Variants in CYFIP2 observed in about 807,000 individuals in gnomAD.
The protein encoded by CYFIP2 is cytoplasmic FMR1-interacting protein 2.
CYFIP2 carries 29 observed loss-of-function variants against 158.7 expected under a neutral mutation model. The observed-to-expected ratio is 0.18, with a 90% confidence interval of 0.14 to 0.25. The LOEUF (loss-of-function observed/expected upper bound fraction) is 0.25. Ranked by LOEUF, CYFIP2 falls within the 10% of genes least tolerant of loss-of-function variation. The probability of loss-of-function intolerance (pLI) is 1.00; values close to 1 mark genes in which losing one functional copy is unlikely to be tolerated. For missense variants in CYFIP2, 852 were observed against 1,639.5 expected, an observed-to-expected ratio of 0.52 and a Z score of 8.29; for synonymous variants, 585 against 617.6, an observed-to-expected ratio of 0.95 and a Z score of 0.78.
chr5:157,326,917 A>G (rs993802446), intron 18 of CYFIP2, among the ~76,000 whole-genome samples: 2 of 152,242 alleles, frequency 1.3e-5, no homozygotes, highest in Non-Finnish European at 2.9e-5. Flanking sequence ...AAGCTTTTTG[A>G]ATCATTAACC....
At chr5:157,279,452 A>G (rs986366547) in intron 1 of CYFIP2, among the ~76,000 whole-genome samples, 2 of 152,272 alleles carry the variant, frequency 1.3e-5, no homozygotes, top group African/African-American at 4.8e-5. Flanking sequence ...TGTAAATGTC[A>G]GAACCTGCAT....
rs1017232395 is a variant in CYFIP2 at position 157,393,537 on chromosome 5, G to A, written c.*537G>A. 6.8e-6 allele frequency: 1 copy of A among 147,114 alleles called. No individual in the cohort carries two copies. The highest frequency in any genetic ancestry group is 1.5e-5 in the Non-Finnish European group (1 of 68,442). 9.1% of individuals were successfully genotyped at this position (147,114 alleles called of 1,614,324 possible). A position where few individuals can be genotyped will look rare whatever the true frequency, so the allele number is the denominator to read the frequency against. ...ATCTTCTCCCACTCTGGGTACCAGGGATTCTACCACATAGGCTTCCCAAAG... is the reference window on the plus strand; with the variant it reads ...ATCTTCTCCCACTCTGGGTACCAGGAATTCTACCACATAGGCTTCCCAAAG... On this transcript the variant is annotated 3_prime_UTR_variant, in exon 31 of 31. Coordinates refer to ENST00000620254, the MANE Select transcript of CYFIP2 (RefSeq NM_001037333.3).
chr5:157,305,609 C>T (rs1581018940), intron 8 of CYFIP2, among the ~76,000 whole-genome samples: 1 of 152,224 alleles, frequency 6.6e-6, no homozygotes, highest in South Asian at 2.1e-4. Context: ...CTCCCAGGCT[C>T]AAGCGATCCT....
intron 8 of CYFIP2, among the ~76,000 whole-genome samples, chr5:157,306,541 G>T (rs913141732): frequency 2.2e-4 from 34 of 152,104 alleles, no homozygotes; most frequent in Admixed American, 1.3e-3. Context: ...AGATGCCACC[G>T]TGGAGCACTG....
In CYFIP2 at chr5:157,321,933, G is replaced by C. The variant is rs73815831; in HGVS notation, c.1671+1131G>C. Among the ~76,000 whole-genome samples the C allele has an allele frequency of 8.1e-3, 1,236 of 152,330 alleles. 23 individuals are homozygous for C. Among genetic ancestry groups the C allele is most frequent in the African/African-American group, 0.028 (1,177 of 41,572 alleles). On this transcript the variant is annotated intron_variant, in intron 15 of 30. Transcript: ENST00000620254. ...CTGAGCAGGGCTTTCAAGTGTTTCT[G>C]TAAATTTTAAGACATGAGTGAGCAA...
At chr5:157,384,449 C>G (rs541896922) in intron 28 of CYFIP2, 9 of 456,782 alleles carry the variant, frequency 2.0e-5, no homozygotes, top group African/African-American at 1.8e-4. Flanking sequence ...TCCGGCGGTC[C>G]TCTTTGGTGT....
chr5:157,276,667 G>A (rs980574526), intron 1 of CYFIP2, among the ~76,000 whole-genome samples: 1 of 152,152 alleles, frequency 6.6e-6, no homozygotes, highest in Non-Finnish European at 1.5e-5. Flanking sequence ...GCTCAGAAAG[G>A]TTATGTCACC....
chr5:157,387,383 G>A (rs1365935552), intron 28 of CYFIP2, among the ~76,000 whole-genome samples: 1 of 152,194 alleles, frequency 6.6e-6, no homozygotes, highest in African/African-American at 2.4e-5. Flanking sequence ...AAGTCTGTCT[G>A]CAGATTGATA....
chr5:157,391,620 T>C (rs1442889222), intron 30 of CYFIP2, among the ~76,000 whole-genome samples: 3 of 152,206 alleles, frequency 2.0e-5, no homozygotes, highest in Non-Finnish European at 4.4e-5. Context: ...CTTCCATCCT[T>C]TTTATGGCTG....
chr5:157,302,407 A>G (rs931763577), intron 6 of CYFIP2, among the ~76,000 whole-genome samples: 5 of 152,314 alleles, frequency 3.3e-5, no homozygotes, highest in Admixed American at 3.3e-4. Context: ...CTAGCATCCT[A>G]CCTGCACTGC....
At chr5:157,387,164 T>C (rs1766781007) in intron 28 of CYFIP2, among the ~76,000 whole-genome samples, 1 of 152,240 alleles carries the variant, frequency 6.6e-6, no homozygotes, top group Admixed American at 6.5e-5. Flanking sequence ...TTCACATACC[T>C]AAACAAATCA....
chr5:157,347,239 G>A lies in CYFIP2; in HGVS notation c.2673+6082G>A, dbSNP rs551626607. Among the ~76,000 whole-genome samples, 3 of 152,020 alleles carry A rather than the reference G, an allele frequency of 2.0e-5. No individual in the cohort carries two copies. The East Asian group carries it at 5.8e-4, about 29-fold the overall frequency. On this transcript the variant is annotated intron_variant, in intron 23 of 30. Coordinates refer to ENST00000620254, the MANE Select transcript of CYFIP2 (RefSeq NM_001037333.3). ...TCCCAGCCACTTGGGAGGCTGAGGTGGGAGGATCACTTGAGCTTAAGAGTT... is the reference window on the plus strand; with the variant it reads ...TCCCAGCCACTTGGGAGGCTGAGGTAGGAGGATCACTTGAGCTTAAGAGTT...
At chr5:157,286,631 C>T (rs185189790) in intron 2 of CYFIP2, among the ~76,000 whole-genome samples, 3 of 151,152 alleles carry the variant, frequency 2.0e-5, no homozygotes, top group Non-Finnish European at 1.5e-5. Flanking sequence ...TTGTTTTAAT[C>T]ACAAAAAACA....
intron 1 of CYFIP2, among the ~76,000 whole-genome samples, chr5:157,269,756 A>C (rs1469164769): frequency 6.6e-6 from 1 of 152,212 alleles, no homozygotes; most frequent in African/African-American, 2.4e-5. Context: ...TGTACTGTTG[A>C]GCCAATGGGA....
intron 26 of CYFIP2, among the ~76,000 whole-genome samples, chr5:157,382,298 T>C (rs1288354981): frequency 6.6e-6 from 1 of 152,236 alleles, no homozygotes; most frequent in Non-Finnish European, 1.5e-5. Context: ...GATAAGATTA[T>C]AGTAAAAATG....
intron 23 of CYFIP2, among the ~76,000 whole-genome samples, chr5:157,350,306 G>C (rs916129327): frequency 1.3e-5 from 2 of 152,192 alleles, no homozygotes; most frequent in Non-Finnish European, 2.9e-5. Context: ...TGTATAAGGT[G>C]AGAGATGAGG....
intron 30 of CYFIP2, 122 bp downstream of exon 30, chr5:157,390,790 G>A: frequency 1.4e-6 from 2 of 1,463,490 alleles, no homozygotes; most frequent in Non-Finnish European, 1.8e-6. Context: ...CAAGTACAAA[G>A]ATACTATAGG....
At chr5:157,324,352 A>C (rs1018026359) in intron 16 of CYFIP2, among the ~76,000 whole-genome samples, 1 of 152,206 alleles carries the variant, frequency 6.6e-6, no homozygotes, top group South Asian at 2.1e-4. Flanking sequence ...CAAAAACAAG[A>C]ATACGTACAT....
At chr5:157,366,958 C>G (rs1218656210) in intron 26 of CYFIP2, among the ~76,000 whole-genome samples, 1 of 152,180 alleles carries the variant, frequency 6.6e-6, no homozygotes, top group Non-Finnish European at 1.5e-5. Context: ...GGCCTGAGTC[C>G]CCCGGGAAGG....
Sources: gnomAD v4.1 joint callset for allele counts (sites outside exome capture counted in the v4.1 genomes callset) on GRCh38, gnomAD v4.1.1 for gene constraint, MANE v1.5 for transcripts, NCBI Gene and HGNC (gene_info 2026-07-23, HGNC 2026-07-21) for gene names.